The following RAB33A variants were observed in gnomAD, a reference collection of about 807,000 sequenced individuals.
RAB33A encodes the protein ras-related protein Rab-33A.
A neutral mutation model predicts 12.0 loss-of-function variants in RAB33A; 6 were observed. That is an observed-to-expected ratio of 0.50 (90% CI 0.27 to 0.99). RAB33A has a LOEUF of 0.99. Among genes scored for constraint, RAB33A ranks in the 50% least tolerant of loss-of-function variants. The probability of loss-of-function intolerance (pLI) is 0.11; values close to 1 mark genes in which losing one functional copy is unlikely to be tolerated. For synonymous variants in RAB33A, 70 were observed against 82.4 expected, an observed-to-expected ratio of 0.85 and a Z score of 0.81; for missense variants, 109 against 192.0, an observed-to-expected ratio of 0.57 and a Z score of 2.55.
chrX:130,132,493 T>G, the RAB33A span, among the ~76,000 whole-genome samples: 1 of 112,859 alleles, frequency 8.9e-6, no homozygotes, highest in Non-Finnish European at 1.9e-5. Context: ...ATTCAGAATT[T>G]GAGATGTTTT....
At chrX:130,158,750 A>C in the RAB33A span, among the ~76,000 whole-genome samples, 2 of 107,300 alleles carry the variant, frequency 1.9e-5, no homozygotes, top group Non-Finnish European at 3.8e-5. Flanking sequence ...AAAATCTCAT[A>C]ATGTTTTAAG....
chrX:130,124,344 A>G, the RAB33A span, among the ~76,000 whole-genome samples: 1 of 112,203 alleles, frequency 8.9e-6, no homozygotes, highest in African/African-American at 3.2e-5. Context: ...ATTTATTTGT[A>G]TATTATTTAT....
the RAB33A span, chrX:130,139,928 A>G: frequency 1.0e-6 from 1 of 986,167 alleles, no homozygotes; most frequent in East Asian, 3.0e-5. Context: ...AGCCCAAACA[A>G]TACTCCCTCC....
chrX:130,146,792 C>T, the RAB33A span, among the ~76,000 whole-genome samples: 17 of 111,402 alleles, frequency 1.5e-4, no homozygotes, highest in African/African-American at 5.6e-4. Flanking sequence ...ATTCTAAATG[C>T]CTGCTAGGCT....
At chrX:130,138,711 C>G in the RAB33A span, 1 of 1,127,661 alleles carries the variant, frequency 8.9e-7, no homozygotes, top group Non-Finnish European at 1.2e-6. Context: ...TCTGCAGGAT[C>G]ACATCAGTTT....
At chrX:130,129,883 A>G in the RAB33A span, 2 of 1,093,589 alleles carry the variant, frequency 1.8e-6, no homozygotes, top group South Asian at 1.8e-5. Flanking sequence ...CCGGGGGACA[A>G]TGCATCTCAG....
intron 1 of RAB33A, among the ~76,000 whole-genome samples, chrX:130,180,736 G>A (rs954409742): frequency 1.1e-4 from 4 of 37,497 alleles, no homozygotes; most frequent in African/African-American, 3.3e-4. Context: ...GATTACAGGC[G>A]TGAGCCACTG....
the RAB33A span, among the ~76,000 whole-genome samples, chrX:130,153,378 G>A: frequency 1.9e-5 from 2 of 105,101 alleles, no homozygotes; most frequent in Non-Finnish European, 3.9e-5. Context: ...AAAAAAAGTC[G>A]GCAGTTTACT....
chrX:130,165,357 T>G, the RAB33A span, among the ~76,000 whole-genome samples: 1 of 112,022 alleles, frequency 8.9e-6, no homozygotes, highest in South Asian at 3.7e-4. Context: ...TTCAAATCTC[T>G]TGAAGGTCAG....
chrX:130,131,515 C>T, the RAB33A span, among the ~76,000 whole-genome samples: 1 of 111,858 alleles, frequency 8.9e-6, no homozygotes. Context: ...TCTCAGACCA[C>T]TAAAGAGTGA....
upstream of RAB33A, chrX:130,171,953 C>T (rs914554472): frequency 3.3e-6 from 3 of 908,251 alleles, no homozygotes; most frequent in African/African-American, 4.0e-5. Flanking sequence ...CACACACACG[C>T]GCGCACACAC....
the RAB33A span, among the ~76,000 whole-genome samples, chrX:130,144,250 C>T: frequency 1.8e-5 from 2 of 111,304 alleles, no homozygotes; most frequent in East Asian, 2.8e-4. Flanking sequence ...TTGCAATAAT[C>T]TCTGAAATGG....
the RAB33A span, among the ~76,000 whole-genome samples, chrX:130,121,096 G>A: frequency 8.9e-6 from 1 of 112,386 alleles, no homozygotes. Context: ...CTGCTGCTGC[G>A]CTCTGAGCGG....
At chrX:130,133,280 A>G in the RAB33A span, 5 of 1,206,945 alleles carry the variant, frequency 4.1e-6, no homozygotes, top group Admixed American at 6.5e-5. Flanking sequence ...CTGAGTTGTA[A>G]TCAGTTGGGT....
chrX:130,147,484 C>A, the RAB33A span: 1 of 1,211,707 alleles, frequency 8.3e-7, no homozygotes, highest in Non-Finnish European at 1.1e-6. Context: ...TTTACATAAG[C>A]AAACACACCT....
chrX:130,144,018 T>A, the RAB33A span, among the ~76,000 whole-genome samples: 1 of 112,127 alleles, frequency 8.9e-6, no homozygotes, highest in Non-Finnish European at 1.9e-5. Context: ...TATTTATTTT[T>A]AAAAATTTCA....
chrX:130,120,214 GTTTTGTTT>G, the RAB33A span, among the ~76,000 whole-genome samples: 1 of 110,552 alleles, frequency 9.0e-6, no homozygotes, highest in African/African-American at 3.3e-5. Context: ...TTAGTTTTTT[GTTTTGTTT>G]TTTTGTTTTT....
At chrX:130,116,665 G>A in the RAB33A span, among the ~76,000 whole-genome samples, 5 of 112,620 alleles carry the variant, frequency 4.4e-5, no homozygotes, top group Non-Finnish European at 7.5e-5. Flanking sequence ...ATGTGGATCT[G>A]TGTGCAACAT....
chrX:130,130,338 TC>T, the RAB33A span, among the ~76,000 whole-genome samples: 3 of 111,869 alleles, frequency 2.7e-5, no homozygotes, highest in East Asian at 8.4e-4. Flanking sequence ...CCAGCCCCTC[TC>T]CAGTGACAAA....
Sources: allele counts gnomAD v4.1 joint callset (sites outside exome capture counted in the v4.1 genomes callset), GRCh38; gene constraint gnomAD v4.1.1; transcripts MANE v1.5; gene names NCBI Gene and HGNC (gene_info 2026-07-23, HGNC 2026-07-21).